Variants in TMEM132B observed in about 807,000 individuals in gnomAD.
TMEM132B encodes transmembrane protein 132B.
In TMEM132B, 18 loss-of-function variants were observed where a neutral mutation model predicts 90.8. The ratio of observed to expected loss-of-function variants is 0.20; its 90% CI spans 0.14 to 0.29. The LOEUF is 0.29. TMEM132B is among the 10% of genes least tolerant of loss of function. TMEM132B has a pLI of 1.00. For missense variants in TMEM132B, 1,096 were observed against 1,326.8 expected, an observed-to-expected ratio of 0.83 and a Z score of 2.70; for synonymous variants, 504 against 523.3, an observed-to-expected ratio of 0.96 and a Z score of 0.50.
At chr12:125,437,674 T>C (rs915107473) in intron 3 of TMEM132B, among the ~76,000 whole-genome samples, 3 of 152,142 alleles carry the variant, frequency 2.0e-5, no homozygotes, top group Admixed American at 6.5e-5. Flanking sequence ...GGCTACAACA[T>C]GGAAGAACCT....
At chr12:125,542,754 G>A (rs1247205613) in intron 4 of TMEM132B, among the ~76,000 whole-genome samples, 1 of 152,190 alleles carries the variant, frequency 6.6e-6, no homozygotes, top group Non-Finnish European at 1.5e-5. Context: ...CACTTGGGTT[G>A]CTGCCATGTT....
rs151332718 is a variant in TMEM132B at position 125,556,930 on chromosome 12, A to G, written c.1294-26921A>G. 5.9e-3 allele frequency among the ~76,000 whole-genome samples: 891 copies of G among 151,088 alleles called. 7 individuals carry two copies. The highest frequency in any genetic ancestry group is 0.02 in the African/African-American group (837 of 41,266). On this transcript the variant is annotated intron_variant, in intron 4 of 8. Transcript: ENST00000682704. Reference sequence around the variant, plus strand: ...CCACCATGCCTGGCTAATTTTTTGTATTTTTAGTAGAGACAGAGTTTCACC... The same window carrying G: ...CCACCATGCCTGGCTAATTTTTTGTGTTTTTAGTAGAGACAGAGTTTCACC...
chr12:125,576,616 T>C lies in TMEM132B; in HGVS notation c.1294-7235T>C, dbSNP rs111843387. On this transcript the variant is annotated intron_variant, in intron 4 of 8. Coordinates refer to ENST00000682704, the MANE Select transcript of TMEM132B (RefSeq NM_001366854.1). ...CTGTATGTTCTCCATAGATGGCCTT[T>C]ATTATGTTGAGGAAGTTCCCATCAA... Among the ~76,000 whole-genome samples, 672 of 152,210 alleles carry C rather than the reference T, an allele frequency of 4.4e-3. 4 individuals carry two copies. Among genetic ancestry groups the C allele is most frequent in the South Asian group, 0.013 (65 of 4,824 alleles).
intron 2 of TMEM132B, among the ~76,000 whole-genome samples, chr12:125,391,749 GTTAAA>G (rs1278395902): frequency 2.0e-5 from 3 of 152,282 alleles, no homozygotes; most frequent in Admixed American, 6.5e-5. Context: ...ATTCCCTCCA[GTTAAA>G]TTAAATTAAA....
chr12:125,323,509 CTTTG>C (rs35532606), intron 1 of TMEM132B, among the ~76,000 whole-genome samples: 73 of 151,154 alleles, frequency 4.8e-4, no homozygotes, highest in South Asian at 2.7e-3. Flanking sequence ...CTCTCAGCTT[CTTTG>C]TTTGTTTGTT....
At chr12:125,601,902 G>A (rs1169940132) in intron 5 of TMEM132B, among the ~76,000 whole-genome samples, 1 of 152,164 alleles carries the variant, frequency 6.6e-6, no homozygotes, top group South Asian at 2.1e-4. Context: ...ACCCTCCCAA[G>A]ACTAAACCAG....
At chr12:125,477,395 T>G (rs11058192) in intron 3 of TMEM132B, among the ~76,000 whole-genome samples, 12,103 of 152,206 alleles carry the variant, frequency 0.08, 1,452 homozygotes, top group African/African-American at 0.26. Context: ...ATATTCTCTC[T>G]CTCTGGCTCA....
At chr12:125,276,546 C>T (rs909305269) in intron 1 of TMEM132B, among the ~76,000 whole-genome samples, 3 of 152,298 alleles carry the variant, frequency 2.0e-5, no homozygotes, top group South Asian at 2.1e-4. Flanking sequence ...TGGGGGTGTC[C>T]GTCAAGGCTG....
intron 1 of TMEM132B, among the ~76,000 whole-genome samples, chr12:125,212,268 A>G (rs1873336315): frequency 1.3e-5 from 2 of 152,228 alleles, no homozygotes; most frequent in Admixed American, 6.5e-5. Context: ...GGCAGGATCT[A>G]GACCTACTGA....
intron 5 of TMEM132B, among the ~76,000 whole-genome samples, chr12:125,618,453 T>C (rs1886041584): frequency 6.6e-6 from 1 of 152,176 alleles, no homozygotes. Context: ...ACCTGGCGTA[T>C]GGGGGTGGTA....
Position 125,653,673 on chromosome 12 carries a change from G to A in TMEM132B, c.2215G>A (p.Val739Met). The A allele has an allele frequency of 6.2e-7, 1 of 1,614,156 alleles. No homozygotes were observed. Among genetic ancestry groups the A allele is most frequent in the Non-Finnish European group, 8.5e-7 (1 of 1,180,026 alleles). ...TACTGTCTCATCATTGGATGAAATGGTGGTGTCTGTCCAGGCAAACCTTGA... is the reference window on the plus strand; with the variant it reads ...TACTGTCTCATCATTGGATGAAATGATGGTGTCTGTCCAGGCAAACCTTGA... The part of the protein sequence containing the change: ...SVTVSSLDEM[V>M]VSVQANLESK... Residue 739 changes from valine to methionine, a missense_variant, in exon 9 of 9, where the codon GTG becomes ATG. By Grantham distance (21) the Val-to-Met change is conservative (BLOSUM62 1). Transcript: ENST00000682704.
chr12:125,502,612 G>T (rs773122644), intron 3 of TMEM132B, among the ~76,000 whole-genome samples: 1 of 152,228 alleles, frequency 6.6e-6, no homozygotes, highest in Non-Finnish European at 1.5e-5. Flanking sequence ...TGCGGAGCTG[G>T]AAGTATTTGG....
intron 2 of TMEM132B, among the ~76,000 whole-genome samples, chr12:125,377,434 G>A (rs368491105): frequency 1.3e-5 from 2 of 152,156 alleles, no homozygotes; most frequent in Non-Finnish European, 2.9e-5. Context: ...AAAGAGTGAG[G>A]TTGGGTGGTT....
chr12:125,304,988 T>C (rs1875924508), intron 1 of TMEM132B, among the ~76,000 whole-genome samples: 1 of 152,180 alleles, frequency 6.6e-6, no homozygotes, highest in African/African-American at 2.4e-5. Context: ...GCCATCGTCT[T>C]GTTGGAAGTA....
chr12:125,376,168 C>G (rs1878474015), intron 2 of TMEM132B, among the ~76,000 whole-genome samples: 1 of 152,230 alleles, frequency 6.6e-6, no homozygotes, highest in African/African-American at 2.4e-5. Context: ...GCCCACATCC[C>G]AGGCTGGGAG....
intron 1 of TMEM132B, among the ~76,000 whole-genome samples, chr12:125,239,411 C>T (rs151333423): frequency 6.6e-6 from 1 of 152,116 alleles, no homozygotes; most frequent in South Asian, 2.1e-4. Context: ...CATTTGGTTT[C>T]TATAAAGGAA....
intron 1 of TMEM132B, among the ~76,000 whole-genome samples, chr12:125,278,881 C>T (rs1214120087): frequency 1.8e-4 from 28 of 152,108 alleles, no homozygotes; most frequent in Admixed American, 1.8e-3. Flanking sequence ...TCTTGAATTT[C>T]CCTCTCTGAA....
chr12:125,602,618 A>G (rs1885598262), intron 5 of TMEM132B, among the ~76,000 whole-genome samples: 1 of 152,218 alleles, frequency 6.6e-6, no homozygotes, highest in African/African-American at 2.4e-5. Flanking sequence ...GGCCAGGGCG[A>G]TCACGCAAAA....
chr12:125,592,988 A>G (rs1037859216), intron 5 of TMEM132B, among the ~76,000 whole-genome samples: 2 of 152,210 alleles, frequency 1.3e-5, no homozygotes, highest in African/African-American at 2.4e-5. Flanking sequence ...AGAAGAACAT[A>G]CAGAAAAATT....
Sources: gnomAD v4.1 joint callset for allele counts (sites outside exome capture counted in the v4.1 genomes callset) on GRCh38, gnomAD v4.1.1 for gene constraint, MANE v1.5 for transcripts, NCBI Gene and HGNC (gene_info 2026-07-23, HGNC 2026-07-21) for gene names.